Variants in TREML2 observed in about 807,000 individuals in gnomAD.
TREML2 encodes the protein trem-like transcript 2 protein.
TREML2 carries 24 observed loss-of-function variants against 25.9 expected under a neutral mutation model. The observed-to-expected ratio is 0.93, with a 90% CI of 0.67 to 1.30. TREML2 has a LOEUF of 1.30. Among genes scored for constraint, TREML2 ranks in the 50% most tolerant of loss-of-function variants. The pLI is 0.00. For synonymous variants in TREML2, 139 were observed against 155.2 expected (o/e 0.90, Z 0.77); for missense variants, 359 against 395.6 (o/e 0.91, Z 0.78).
intron 2 of TREML2, among the ~76,000 whole-genome samples, chr6:41,197,798 A>G (rs943754355): frequency 5.3e-5 from 8 of 152,286 alleles, no homozygotes; most frequent in South Asian, 2.1e-4. Context: ...TAGGGGCTCA[A>G]TGAATTATGT....
chr6:41,192,337 A>T lies in TREML2; in HGVS notation c.*90T>A. On this transcript the variant is annotated 3_prime_UTR_variant, in exon 5 of 5. Coordinates refer to ENST00000483722, the MANE Select transcript of TREML2 (RefSeq NM_024807.4). Reference sequence around the variant, plus strand: ...AGCACTGCACAAGTCCTCCAGCTTCATAAGATCGATACTGGCCCCAATCTT... The same window carrying T: ...AGCACTGCACAAGTCCTCCAGCTTCTTAAGATCGATACTGGCCCCAATCTT... 9.5e-7 allele frequency: 1 copy of T among 1,053,424 alleles called. No homozygotes were observed. Among genetic ancestry groups the T allele is most frequent in the Non-Finnish European group, 1.4e-6 (1 of 692,610 alleles). 65.3% of individuals were successfully genotyped at this position (1,053,424 alleles called of 1,614,324 possible).
rs1766204354 is a variant in TREML2, at chr6:41,198,148, G to T, written c.337C>A (p.Leu113Met). 1.2e-6 allele frequency: 2 copies of T among 1,610,530 alleles called. No individual in the cohort carries two copies. Among genetic ancestry groups the T allele is most frequent in the Non-Finnish European group, 1.7e-6 (2 of 1,177,126 alleles). ...YWCMRNTSGI[L>M]YPLMGFQLDV... The stretch of plus-strand genomic sequence containing the variant: ...AGCTGGAAGCCCATCAAGGGGTACA[G>T]GATCCCAGAGGTGTTGCGCATGCAC... Residue 113 changes from leucine (L) to methionine (M), a missense_variant, in exon 2 of 5, where the codon CTG (leucine) becomes ATG (methionine). Leu to Met is a conservative substitution (Grantham distance 15). Transcript: ENST00000483722.
intron 2 of TREML2, among the ~76,000 whole-genome samples, chr6:41,196,762 A>C (rs755076592): frequency 6.6e-6 from 1 of 152,110 alleles, no homozygotes; most frequent in Non-Finnish European, 1.5e-5. Flanking sequence ...AGATTTCTCT[A>C]ATTCCCTGGA....
rs941060319 is a variant in TREML2 at position 41,190,577 on chromosome 6, G to T, written c.*1850C>A. On this transcript the variant is annotated 3_prime_UTR_variant, in exon 5 of 5. Transcript: ENST00000483722. ...CTCTTTCACAAGACAGGAAAAATGAGGCCAAGGGTTAGTGACTTGCTGAGG... is the reference window on the plus strand; with the variant it reads ...CTCTTTCACAAGACAGGAAAAATGATGCCAAGGGTTAGTGACTTGCTGAGG... 1.3e-5 allele frequency: 2 copies of T among 152,220 alleles called. No individual in the cohort carries two copies. The allele number at this position is 152,220 out of a possible 1,614,324, so 9.4% of individuals were successfully genotyped here.
intron 2 of TREML2, among the ~76,000 whole-genome samples, chr6:41,197,830 C>T (rs1766196133): frequency 6.6e-6 from 1 of 152,204 alleles, no homozygotes; most frequent in South Asian, 2.1e-4. Context: ...GTGAATAAAA[C>T]ACAGCACAGA....
intron 2 of TREML2, among the ~76,000 whole-genome samples, chr6:41,197,375 T>C (rs1225956113): frequency 1.3e-5 from 2 of 152,194 alleles, no homozygotes. Context: ...ATTCATTGCC[T>C]CACACTCCAT....
rs115024549 is a variant in TREML2, at chr6:41,194,828, G to T, written c.382C>A (p.Gln128Lys). The change falls in exon 3 of 5, where the codon CAA becomes AAA. Residue 128 changes from glutamine to lysine, a missense_variant. Transcript: ENST00000483722. ...GTGAAAGGAATGTTCCTCTCAGTTTGGGGAGCTGAAAGACAGAAAGGGAGG... is the reference window on the plus strand; with the variant it reads ...GTGAAAGGAATGTTCCTCTCAGTTTTGGGAGCTGAAAGACAGAAAGGGAGG... ...GFQLDVSPAP[Q>K]TERNIPFTHL... The T allele has an allele frequency of 8.4e-4, 1,306 of 1,558,008 alleles. 4 individuals are homozygous for T. In the African/African-American group the frequency reaches 0.014, roughly 16 times the overall value.
intron 1 of TREML2, among the ~76,000 whole-genome samples, chr6:41,198,982 C>G (rs1437142164): frequency 3.3e-5 from 5 of 152,246 alleles, no homozygotes; most frequent in African/African-American, 1.2e-4. Context: ...CCTGCCTCAG[C>G]CTCCTGAGTA....
At chr6:41,192,570 C>T (rs528280093) in intron 4 of TREML2, 64 bp from the exon 5 acceptor site, 24 of 1,480,920 alleles carry the variant, frequency 1.6e-5, no homozygotes, top group Admixed American at 7.1e-5. Context: ...GATGCTCCTC[C>T]ACCAGCCCCA....
At chr6:41,193,039 C>T (rs549082335) in intron 3 of TREML2, 138 bp from the exon 4 acceptor site, 30 of 635,930 alleles carry the variant, frequency 4.7e-5, no homozygotes, top group Non-Finnish European at 7.2e-5. Flanking sequence ...CTTACAGACC[C>T]GGCCACAGAA....
At chr6:41,193,609 C>T (rs377055312) in intron 3 of TREML2, among the ~76,000 whole-genome samples, 79 of 151,914 alleles carry the variant, frequency 5.2e-4, no homozygotes, top group African/African-American at 1.6e-3. Context: ...TCATATAAGA[C>T]GCAAATCCCT....
At position 41,192,474 on chromosome 6, in the gene TREML2, C is replaced by T; in HGVS notation, c.919G>A (p.Asp307Asn). Residue 307 changes from aspartate (D) to asparagine (N), a missense_variant, in exon 5 of 5, where the codon GAC becomes AAC. Transcript: ENST00000483722. ...YSMCSDPSTR[D>N]PPGRPEPYVE... Reference sequence around the variant, plus strand: ...TAGGGCTCTGGTCTTCCAGGTGGGTCACGTGTAGAAGGATCGCTGCACATG... The same window carrying T: ...TAGGGCTCTGGTCTTCCAGGTGGGTTACGTGTAGAAGGATCGCTGCACATG... The T allele has an allele frequency of 6.2e-7, 1 of 1,614,032 alleles. No homozygotes were observed. Among genetic ancestry groups the T allele is most frequent in the Non-Finnish European group, 8.5e-7 (1 of 1,179,962 alleles).
intron 2 of TREML2, among the ~76,000 whole-genome samples, chr6:41,195,287 T>A (rs963236448): frequency 6.6e-6 from 1 of 152,232 alleles, no homozygotes; most frequent in East Asian, 1.9e-4. Flanking sequence ...TGCAGTCAGT[T>A]GGGGTCAGAC....
At chr6:41,194,245 C>T (rs60287787) in intron 3 of TREML2, among the ~76,000 whole-genome samples, 180 bp downstream of exon 3, 11,287 of 127,574 alleles carry the variant, frequency 0.088, 1,691 homozygotes, top group African/African-American at 0.31. Context: ...CCTCCTCTCT[C>T]CTGCCCCTCC....
chr6:41,192,662 C>A (rs759659116), intron 4 of TREML2, 139 bp downstream of exon 4: 3 of 1,130,822 alleles, frequency 2.7e-6, no homozygotes, highest in Non-Finnish European at 3.9e-6. Context: ...GGCCGCCCTC[C>A]TCCCCAGGTG....
chr6:41,195,757 C>T (rs1766148499), intron 2 of TREML2, among the ~76,000 whole-genome samples: 1 of 152,194 alleles, frequency 6.6e-6, no homozygotes, highest in South Asian at 2.1e-4. Flanking sequence ...TATGGACACT[C>T]AGAGAGGATC....
rs1766091489 is a variant in TREML2, at chr6:41,192,812, CTCT to C, written c.872_874del (p.Lys291del). 6.2e-7 allele frequency: 1 copy of C among 1,612,436 alleles called. No homozygotes were observed. Among genetic ancestry groups the C allele is most frequent in the Non-Finnish European group, 8.5e-7 (1 of 1,179,008 alleles). ...TGGGCTCTACTCACTTGCCATGTGT[CTCT>C]TCTTCCAAAACCCATAGACCATGAT... On this transcript the variant is annotated inframe_deletion, in exon 4 of 5. Transcript: ENST00000483722.
Position 41,192,997 on chromosome 6 carries a change from T to C in TREML2, c.786-96A>G, listed in dbSNP as rs559800333. ...ACCAGCAGCAGAAACCCTGAGAGCG[T>C]GCCCTTCCCGGGGTAGACGGCCACC... On this transcript the variant is annotated intron_variant, in intron 3 of 4. Coordinates refer to ENST00000483722, the MANE Select transcript of TREML2 (RefSeq NM_024807.4). The C allele has an allele frequency of 8.6e-5, 89 of 1,029,696 alleles. No homozygotes were observed. In the African/African-American group the frequency reaches 1.4e-3, roughly 16 times the overall value. 63.8% of individuals were successfully genotyped at this position (1,029,696 alleles called of 1,614,324 possible). A position where few individuals can be genotyped will look rare whatever the true frequency, so the allele number is the denominator to read the frequency against.
intron 2 of TREML2, among the ~76,000 whole-genome samples, chr6:41,196,555 A>G (rs1191359046): frequency 6.6e-6 from 1 of 152,216 alleles, no homozygotes; most frequent in Non-Finnish European, 1.5e-5. Context: ...TTATTGAGAT[A>G]TAACTCACAT....
Sources: allele counts gnomAD v4.1 joint callset (sites outside exome capture counted in the v4.1 genomes callset), GRCh38; gene constraint gnomAD v4.1.1; transcripts MANE v1.5; gene names NCBI Gene and HGNC (gene_info 2026-07-23, HGNC 2026-07-21).